CALCR: variants seen among roughly 807,000 people sequenced by gnomAD.
The protein encoded by CALCR is calcitonin receptor.
In CALCR, 47 loss-of-function variants were observed where a neutral mutation model predicts 59.5. The observed-to-expected ratio is 0.79, with a 90% CI of 0.63 to 1.01. CALCR has a LOEUF of 1.01. Ranked by LOEUF, CALCR falls within the 50% of genes least tolerant of loss-of-function variation. The pLI is 0.00. For synonymous variants in CALCR, 213 were observed against 211.3 expected (o/e 1.01, Z -0.07); for missense variants, 566 against 597.1 (o/e 0.95, Z 0.54).
At chr7:93,492,223 C>A (rs1801095800) in intron 2 of CALCR, among the ~76,000 whole-genome samples, 1 of 151,296 alleles carries the variant, frequency 6.6e-6, no homozygotes, top group Admixed American at 6.6e-5. Flanking sequence ...GAGAGGGGAA[C>A]AACACACACC....
intron 2 of CALCR, among the ~76,000 whole-genome samples, chr7:93,490,131 C>A (rs181618258): frequency 6.6e-6 from 1 of 152,108 alleles, no homozygotes; most frequent in Non-Finnish European, 1.5e-5. Context: ...TGTAATCCGT[C>A]ACATAAACAG....
chr7:93,486,890 T>C, intron 3 of CALCR, 41 bp downstream of exon 3: 1 of 1,171,252 alleles, frequency 8.5e-7, no homozygotes, highest in Non-Finnish European at 1.3e-6. Flanking sequence ...TTATTCAGCA[T>C]TCTTCATTAG....
In CALCR at chr7:93,424,687, A is replaced by G. The variant is rs1319270340; in HGVS notation, c.*1669T>C. 2 of 152,570 alleles carry G rather than the reference A, an allele frequency of 1.3e-5. No homozygotes were observed. The highest frequency in any genetic ancestry group is 4.8e-5 in the African/African-American group (2 of 41,442). The allele number at this position is 152,570 out of a possible 1,614,324, so 9.5% of individuals were successfully genotyped here. The stretch of plus-strand genomic sequence containing the variant: ...ATATTAGCATAATAACATCTAAAAT[A>G]TTTTAGCAATATATTATCACATTTG... On this transcript the variant is annotated 3_prime_UTR_variant, in exon 14 of 14. Transcript: ENST00000426151.
At chr7:93,443,051 C>T (rs1436668451) in intron 9 of CALCR, among the ~76,000 whole-genome samples, 2 of 152,002 alleles carry the variant, frequency 1.3e-5, no homozygotes. Context: ...CCTAAGCTTT[C>T]CCGAGCCAAT....
At chr7:93,505,435 T>G (rs756913527) in intron 2 of CALCR, among the ~76,000 whole-genome samples, 3 of 152,190 alleles carry the variant, frequency 2.0e-5, no homozygotes, top group Non-Finnish European at 4.4e-5. Context: ...GATTATCTAA[T>G]ATGAAACCCT....
At chr7:93,435,875 G>T (rs940191450) in intron 12 of CALCR, 77 bp downstream of exon 12, 2 of 549,260 alleles carry the variant, frequency 3.6e-6, no homozygotes, top group South Asian at 7.7e-5. Context: ...AATAATAAAA[G>T]ATCATGGGCT....
intron 2 of CALCR, among the ~76,000 whole-genome samples, chr7:93,558,955 C>G (rs1024062774): frequency 2.0e-5 from 3 of 152,002 alleles, no homozygotes; most frequent in Non-Finnish European, 4.4e-5. Flanking sequence ...TTGACAAGCC[C>G]TTTGGGTGAT....
intron 2 of CALCR, among the ~76,000 whole-genome samples, chr7:93,504,304 C>T (rs1049620185): frequency 1.3e-5 from 2 of 152,188 alleles, no homozygotes; most frequent in Non-Finnish European, 2.9e-5. Flanking sequence ...TCCCTAAAAA[C>T]ACTATCATTG....
At position 93,487,613 on chromosome 7, in the gene CALCR, G is replaced by C. The variant is rs148374908; in HGVS notation, c.-26-606C>G. Among the ~76,000 whole-genome samples the C allele has an allele frequency of 4.6e-5, 7 of 151,516 alleles. No individual in the cohort carries two copies. In the East Asian group the frequency reaches 5.9e-4, roughly 13 times the overall value. ...CTGAAGAGCATAATCATCCAAACAG[G>C]CTGCTTAGTCACAAATATCAAATGG... On this transcript the variant is annotated intron_variant, in intron 2 of 13. Coordinates refer to ENST00000426151, the MANE Select transcript of CALCR (RefSeq NM_001742.4).
intron 2 of CALCR, among the ~76,000 whole-genome samples, chr7:93,490,948 A>T (rs1324694015): frequency 6.6e-6 from 1 of 152,114 alleles, no homozygotes; most frequent in Non-Finnish European, 1.5e-5. Context: ...TGTATAGCCA[A>T]GACAGTCCTA....
chr7:93,574,071 G>GTTGT, intron 2 of CALCR, among the ~76,000 whole-genome samples: 1 of 152,314 alleles, frequency 6.6e-6, no homozygotes, highest in Non-Finnish European at 1.5e-5. Flanking sequence ...GAAACCATAA[G>GTTGT]TTGTTGGCTC....
intron 2 of CALCR, among the ~76,000 whole-genome samples, chr7:93,532,756 T>A (rs1788872763): frequency 6.9e-6 from 1 of 145,600 alleles, no homozygotes; most frequent in African/African-American, 2.6e-5. Flanking sequence ...GGTGATCCTT[T>A]GCCAAAAGAC....
rs1220355343 is a variant in CALCR, at chr7:93,473,424, A to C, written c.317-937T>G. Among the ~76,000 whole-genome samples the C allele has an allele frequency of 2.0e-5, 3 of 151,750 alleles. No homozygotes were observed. The Admixed American group carries it at 2.0e-4, about 10-fold the overall frequency. ...TTGCAGAGCTATTAAGCACTAATTAAGCCTCTTATTTCTGTGGCAATGTGC... is the reference window on the plus strand; with the variant it reads ...TTGCAGAGCTATTAAGCACTAATTACGCCTCTTATTTCTGTGGCAATGTGC... On this transcript the variant is annotated intron_variant, in intron 5 of 13. Coordinates refer to ENST00000426151, the MANE Select transcript of CALCR (RefSeq NM_001742.4).
chr7:93,558,612 T>C (rs1161802649), intron 2 of CALCR, among the ~76,000 whole-genome samples: 1 of 152,144 alleles, frequency 6.6e-6, no homozygotes, highest in African/African-American at 2.4e-5. Flanking sequence ...TTTATCATCA[T>C]TTAACTGGAA....
At chr7:93,458,934 C>A (rs767347167) in intron 8 of CALCR, among the ~76,000 whole-genome samples, 1 of 152,106 alleles carries the variant, frequency 6.6e-6, no homozygotes, top group Non-Finnish European at 1.5e-5. Flanking sequence ...TATTTTGAAT[C>A]ATTCAATTAA....
chr7:93,542,233 G>T (rs541357748), intron 2 of CALCR, among the ~76,000 whole-genome samples: 49 of 152,154 alleles, frequency 3.2e-4, no homozygotes, highest in Non-Finnish European at 5.6e-4. Flanking sequence ...TACACACCTT[G>T]GTTGGATGGG....
chr7:93,460,576 T>A (rs28637317), intron 8 of CALCR, among the ~76,000 whole-genome samples: 12 of 104,556 alleles, frequency 1.1e-4, no homozygotes, highest in Admixed American at 2.9e-4. Context: ...AAAAAAAATA[T>A]ATATATATAT....
intron 5 of CALCR, among the ~76,000 whole-genome samples, chr7:93,476,706 G>A (rs986820850): frequency 1.5e-4 from 23 of 151,768 alleles, no homozygotes; most frequent in Admixed American, 6.6e-5. Flanking sequence ...ACAGCTCTTC[G>A]TGCCAATCAA....
chr7:93,439,203 G>A (rs1346723359), intron 9 of CALCR, among the ~76,000 whole-genome samples: 1 of 152,102 alleles, frequency 6.6e-6, no homozygotes, highest in Non-Finnish European at 1.5e-5. Flanking sequence ...ACAAAAAGGG[G>A]TCTCAAAATA....
Sources: allele counts gnomAD v4.1 joint callset (sites outside exome capture counted in the v4.1 genomes callset), GRCh38; gene constraint gnomAD v4.1.1; transcripts MANE v1.5; gene names NCBI Gene and HGNC (gene_info 2026-07-23, HGNC 2026-07-21).